MAN1A2: variants seen among roughly 807,000 people sequenced by gnomAD.
MAN1A2 encodes mannosidase alpha class 1A member 2.
MAN1A2 carries 26 observed loss-of-function variants against 75.7 expected under a neutral mutation model. That is an observed-to-expected ratio of 0.34 (90% CI 0.25 to 0.48). MAN1A2 has a LOEUF of 0.48. Among genes scored for constraint, MAN1A2 ranks in the 20% least tolerant of loss-of-function variants. MAN1A2 has a pLI of 0.99. For missense variants in MAN1A2, 562 were observed against 775.5 expected, an observed-to-expected ratio of 0.72 and a Z score of 3.27; for synonymous variants, 247 against 264.6, an observed-to-expected ratio of 0.93 and a Z score of 0.65.
chr1:117,498,161 C>A (rs867645721), intron 10 of MAN1A2, among the ~76,000 whole-genome samples: 1 of 151,674 alleles, frequency 6.6e-6, no homozygotes, highest in African/African-American at 2.4e-5. Context: ...ATAATGGCAG[C>A]GATCTGAGTT....
At chr1:117,494,153 G>T (rs898355317) in intron 9 of MAN1A2, 2 of 152,050 alleles carry the variant, frequency 1.3e-5, no homozygotes, top group African/African-American at 4.8e-5. Context: ...GAACAGTCTG[G>T]CTGCCGAGCC....
At chr1:117,394,793 T>C (rs1653855501) in intron 1 of MAN1A2, among the ~76,000 whole-genome samples, 1 of 152,164 alleles carries the variant, frequency 6.6e-6, no homozygotes, top group Non-Finnish European at 1.5e-5. Flanking sequence ...ACAGCAAGTG[T>C]AGTACTGTTT....
At chr1:117,510,690 G>A (rs1439031806) in intron 12 of MAN1A2, among the ~76,000 whole-genome samples, 1 of 152,042 alleles carries the variant, frequency 6.6e-6, no homozygotes, top group Non-Finnish European at 1.5e-5. Context: ...TGTAATATAT[G>A]AAATGATTTA....
At chr1:117,454,036 G>A (rs1649501546) in intron 6 of MAN1A2, among the ~76,000 whole-genome samples, 1 of 152,136 alleles carries the variant, frequency 6.6e-6, no homozygotes, top group South Asian at 2.1e-4. Flanking sequence ...TAGCAATAAA[G>A]TATTTTTCAA....
chr1:117,446,003 GTTTTA>G (rs1441094137), intron 6 of MAN1A2, among the ~76,000 whole-genome samples: 1 of 147,290 alleles, frequency 6.8e-6, no homozygotes, highest in Non-Finnish European at 1.5e-5. Context: ...TTCAGATTTT[GTTTTA>G]TTTTGTGTCA....
At chr1:117,391,277 T>C (rs911697856) in intron 1 of MAN1A2, among the ~76,000 whole-genome samples, 4 of 152,198 alleles carry the variant, frequency 2.6e-5, no homozygotes, top group Non-Finnish European at 5.9e-5. Context: ...TATTTTGTTA[T>C]AGTGTTCTGT....
At position 117,420,564 on chromosome 1, in the gene MAN1A2, C is replaced by T. The variant is rs986403082; in HGVS notation, c.775-5C>T. On this transcript the variant is annotated splice_region_variant and splice_polypyrimidine_tract_variant and intron_variant, in intron 4 of 12. Transcript: ENST00000356554. ...TTGTGAATGTTTTCAATATGTTTTT[C>T]ACAGAATTCAGAGGTGTCTGTGTTT... 2.5e-6 allele frequency: 4 copies of T among 1,601,678 alleles called. No homozygotes were observed. In the African/African-American group the frequency reaches 4.0e-5, roughly 16 times the overall value.
At chr1:117,420,870 C>T (rs1266313684) in intron 5 of MAN1A2, among the ~76,000 whole-genome samples, 1 of 152,044 alleles carries the variant, frequency 6.6e-6, no homozygotes, top group Non-Finnish European at 1.5e-5. Flanking sequence ...GCTTTATATA[C>T]ACCATGTCTC....
At chr1:117,404,233 A>G (rs1055281823) in intron 2 of MAN1A2, among the ~76,000 whole-genome samples, 28 of 152,036 alleles carry the variant, frequency 1.8e-4, no homozygotes, top group African/African-American at 5.8e-4. Flanking sequence ...TCTTTGCTTG[A>G]TTTTGGTGTC....
intron 1 of MAN1A2, among the ~76,000 whole-genome samples, chr1:117,370,234 A>C (rs923848853): frequency 2.6e-5 from 4 of 152,166 alleles, no homozygotes; most frequent in African/African-American, 9.7e-5. Flanking sequence ...GTTTGGAATG[A>C]GAGATTGGTT....
chr1:117,442,156 A>G (rs1369860465), intron 5 of MAN1A2, 75 bp from the exon 6 acceptor site: 3 of 930,044 alleles, frequency 3.2e-6, no homozygotes, highest in Non-Finnish European at 5.3e-6. Flanking sequence ...TGCTATGTAT[A>G]CTATGAGAGA....
chr1:117,472,716 T>C (rs1298977073), intron 8 of MAN1A2, among the ~76,000 whole-genome samples: 2 of 152,068 alleles, frequency 1.3e-5, no homozygotes, highest in Non-Finnish European at 2.9e-5. Flanking sequence ...AGCCTCTTAG[T>C]GTTGGAATGC....
At chr1:117,451,608 A>G (rs1034369398) in intron 6 of MAN1A2, among the ~76,000 whole-genome samples, 1 of 152,182 alleles carries the variant, frequency 6.6e-6, no homozygotes, top group African/African-American at 2.4e-5. Flanking sequence ...TAATTGAATC[A>G]TGCTATTCTT....
At chr1:117,443,335 G>C (rs1649107159) in intron 6 of MAN1A2, among the ~76,000 whole-genome samples, 1 of 152,138 alleles carries the variant, frequency 6.6e-6, no homozygotes, top group African/African-American at 2.4e-5. Context: ...ACTATGTATA[G>C]TGCAGATTAC....
At chr1:117,387,950 C>T (rs993990880) in intron 1 of MAN1A2, among the ~76,000 whole-genome samples, 1 of 151,676 alleles carries the variant, frequency 6.6e-6, no homozygotes, top group Non-Finnish European at 1.5e-5. Context: ...TGAGTACCTC[C>T]CAAGGCCCCC....
intron 8 of MAN1A2, among the ~76,000 whole-genome samples, chr1:117,491,500 A>T (rs1365135871): frequency 1.3e-5 from 1 of 74,744 alleles, no homozygotes; most frequent in Non-Finnish European, 2.9e-5. Context: ...CTGCTCATTG[A>T]CAATGCACCT....
chr1:117,433,423 T>G (rs1322278423), intron 5 of MAN1A2, among the ~76,000 whole-genome samples: 1 of 152,160 alleles, frequency 6.6e-6, no homozygotes, highest in Non-Finnish European at 1.5e-5. Context: ...CTACGAAAAC[T>G]CTACAGCAAA....
At chr1:117,460,348 A>G (rs561171580) in intron 6 of MAN1A2, 141 bp from the exon 7 acceptor site, 14 of 524,464 alleles carry the variant, frequency 2.7e-5, no homozygotes, top group East Asian at 9.3e-5. Context: ...TAAATTTTTA[A>G]TACAATTTTA....
At chr1:117,398,905 G>A (rs11583061) in intron 1 of MAN1A2, among the ~76,000 whole-genome samples, 17,746 of 152,176 alleles carry the variant, frequency 0.12, 1,117 homozygotes, top group Non-Finnish European at 0.14. Flanking sequence ...TAGTATGGAT[G>A]GAGAATAGCT....
Sources: gnomAD v4.1 joint callset for allele counts (sites outside exome capture counted in the v4.1 genomes callset) on GRCh38, gnomAD v4.1.1 for gene constraint, MANE v1.5 for transcripts, NCBI Gene and HGNC (gene_info 2026-07-23, HGNC 2026-07-21) for gene names.